PCDHGA4: variants seen among roughly 807,000 people sequenced by gnomAD.
The protein encoded by PCDHGA4 is protocadherin gamma-A4.
A neutral mutation model predicts 54.6 loss-of-function variants in PCDHGA4; 38 were observed. The ratio of observed to expected loss-of-function variants is 0.70; its 90% CI spans 0.54 to 0.91. PCDHGA4 has a LOEUF of 0.91. PCDHGA4 is among the 40% of genes least tolerant of loss of function. The probability of loss-of-function intolerance (pLI) is 0.00; values close to 1 mark genes in which losing one functional copy is unlikely to be tolerated. For missense variants in PCDHGA4, 1,298 were observed against 1,220.9 expected (o/e 1.06, Z -0.94); for synonymous variants, 511 against 512.9 (o/e 1.00, Z 0.05).
At chr5:141,502,767 C>T (rs970206343) in intron 2 of PCDHGA4, among the ~76,000 whole-genome samples, 1 of 151,756 alleles carries the variant, frequency 6.6e-6, no homozygotes, top group East Asian at 1.9e-4. Flanking sequence ...TGCTGGTATT[C>T]TTCTGAAAAT....
chr5:141,489,086 G>A lies in PCDHGA4; in HGVS notation c.2515-5721G>A, dbSNP rs2233599. ...CCCCCCTGCCCACCCCCGCCACTCG[G>A]TGACTAAGAACTGCTGCAAGCAGGC... On this transcript the variant is annotated intron_variant, in intron 1 of 3. Coordinates refer to ENST00000571252, the MANE Select transcript of PCDHGA4 (RefSeq NM_018917.4). The surrounding 1 kb of genome is among the most constrained non-coding windows in gnomAD (Gnocchi z 4.5). 2.2e-3 allele frequency: 754 copies of A among 340,206 alleles called. 5 individuals carry two copies. Among genetic ancestry groups the A allele is most frequent in the African/African-American group, 0.018 (712 of 39,726 alleles). 21.1% of individuals were successfully genotyped at this position (340,206 alleles called of 1,614,324 possible).
chr5:141,494,897 C>T (rs1194879883), intron 2 of PCDHGA4, 32 bp downstream of exon 2: 2 of 1,614,122 alleles, frequency 1.2e-6, no homozygotes, highest in South Asian at 2.2e-5. Flanking sequence ...CCACCCTCTT[C>T]TCTGCGGCAT....
intron 1 of PCDHGA4, chr5:141,413,729 GAGTTC>G: frequency 6.2e-7 from 1 of 1,613,496 alleles, no homozygotes; most frequent in Non-Finnish European, 8.5e-7. Flanking sequence ...TTCTCCCTAA[GAGTTC>G]AGAGCCGTGC....
intron 1 of PCDHGA4, chr5:141,427,812 G>T: frequency 6.6e-7 from 1 of 1,524,404 alleles, no homozygotes; most frequent in Non-Finnish European, 9.0e-7. Flanking sequence ...CGCACAGAGC[G>T]GGGTGGTGGT....
chr5:141,384,903 C>T (rs1780641689), intron 1 of PCDHGA4: 1 of 1,613,992 alleles, frequency 6.2e-7, no homozygotes. Context: ...CTGACAGCAT[C>T]CCCGAAGTCT....
At chr5:141,372,690 A>G (rs1415110803) in intron 1 of PCDHGA4, 1 of 1,613,948 alleles carries the variant, frequency 6.2e-7, no homozygotes, top group East Asian at 2.2e-5. Context: ...CACCGAGTTT[A>G]AATTTCTCAA....
chr5:141,355,989 C>T lies in PCDHGA4; in HGVS notation c.882C>T (p.Thr294=), dbSNP rs539292307. ...ENVPVGTRLL[T]VKATDPDEGA... ...TTCCTGTAGGCACTCGGCTACTCAC[C>T]GTAAAAGCCACTGATCCAGATGAAG... is the stretch of plus-strand genomic sequence containing the variant. The change falls in exon 1 of 4, where the codon ACC becomes ACT. Residue 294 remains threonine, a synonymous_variant. Coordinates refer to ENST00000571252, the MANE Select transcript of PCDHGA4 (RefSeq NM_018917.4). 7 of 1,613,804 alleles carry T rather than the reference C, an allele frequency of 4.3e-6. No homozygotes were observed. The South Asian group carries it at 7.7e-5, about 18-fold the overall frequency.
At chr5:141,365,777 G>T (rs543335678) in intron 1 of PCDHGA4, 1 of 1,613,854 alleles carries the variant, frequency 6.2e-7, no homozygotes, top group South Asian at 1.1e-5. Context: ...CGACAGCGGC[G>T]ACAACGCTCG....
In PCDHGA4 at chr5:141,492,378, C is replaced by T. The variant is rs144479033; in HGVS notation, c.2515-2429C>T. Among the ~76,000 whole-genome samples the T allele has an allele frequency of 1.7e-3, 262 of 152,360 alleles. 2 individuals are homozygous for T. The highest frequency in any genetic ancestry group is 3.0e-3 in the Non-Finnish European group (207 of 68,026). On this transcript the variant is annotated intron_variant, in intron 1 of 3. Coordinates refer to ENST00000571252, the MANE Select transcript of PCDHGA4 (RefSeq NM_018917.4). ...CTCGCTCGCGGCCAGATTCACAGGCCTGTTCCGGTCCACTCGCAGCTCCCC... is the reference window on the plus strand; with the variant it reads ...CTCGCTCGCGGCCAGATTCACAGGCTTGTTCCGGTCCACTCGCAGCTCCCC...
intron 1 of PCDHGA4, chr5:141,384,201 G>A (rs369190060): frequency 3.7e-6 from 6 of 1,613,802 alleles, no homozygotes; most frequent in Admixed American, 1.7e-5. Flanking sequence ...CCTTGTCCAG[G>A]GAAACTCACA....
At chr5:141,440,763 T>A (rs2098198978) in intron 1 of PCDHGA4, 1 of 152,138 alleles carries the variant, frequency 6.6e-6, no homozygotes, top group Admixed American at 6.6e-5. Flanking sequence ...AGAGCTCCCA[T>A]CCCTTAGTGC....
rs1032445242 is a variant in PCDHGA4 at position 141,487,571 on chromosome 5, G to C, written c.2515-7236G>C. The C allele has an allele frequency of 6.2e-7, 1 of 1,614,060 alleles. No homozygotes were observed. The highest frequency in any genetic ancestry group is 8.5e-7 in the Non-Finnish European group (1 of 1,180,046). ...CAGTGCACCTATGGCAGGGGAGCCTGTTCGCCCAAGCTGCCCACCCTCTGA... is the reference window on the plus strand; with the variant it reads ...CAGTGCACCTATGGCAGGGGAGCCTCTTCGCCCAAGCTGCCCACCCTCTGA... On this transcript the variant is annotated intron_variant, in intron 1 of 3. Transcript: ENST00000571252. This position sits in a 1 kb window ranked among gnomAD's most constrained non-coding sequence, Gnocchi z 5.0.
rs1413611606 is a variant in PCDHGA4, at chr5:141,368,566, G to A, written c.2514+10945G>A. Among the ~76,000 whole-genome samples, 6 of 152,186 alleles carry A rather than the reference G, an allele frequency of 3.9e-5. No individual in the cohort carries two copies. The East Asian group carries it at 1.2e-3, about 29-fold the overall frequency. On this transcript the variant is annotated intron_variant, in intron 1 of 3. Coordinates refer to ENST00000571252, the MANE Select transcript of PCDHGA4 (RefSeq NM_018917.4). ...TTTTTTTTAAAAGAAAATGTTATATGCTTCTTAGGGTAAGGTGTTTGGGAA... is the reference window on the plus strand; with the variant it reads ...TTTTTTTTAAAAGAAAATGTTATATACTTCTTAGGGTAAGGTGTTTGGGAA...
At chr5:141,439,009 G>T (rs1474312524) in intron 1 of PCDHGA4, among the ~76,000 whole-genome samples, 1 of 151,594 alleles carries the variant, frequency 6.6e-6, no homozygotes, top group Non-Finnish European at 1.5e-5. Flanking sequence ...TGGTTTGTTT[G>T]TCAAATTTTG....
intron 1 of PCDHGA4, chr5:141,391,145 G>A (rs1212141265): frequency 6.6e-6 from 1 of 152,000 alleles, no homozygotes; most frequent in African/African-American, 2.4e-5. Flanking sequence ...CTACCTCTAG[G>A]AAAGAAATAT....
chr5:141,386,587 G>A (rs1423292010), intron 1 of PCDHGA4, among the ~76,000 whole-genome samples: 2 of 151,614 alleles, frequency 1.3e-5, no homozygotes, highest in African/African-American at 4.9e-5. Context: ...CAATAGTGTG[G>A]GGGATACATT....
Position 141,490,446 on chromosome 5 carries a change from C to T in PCDHGA4, c.2515-4361C>T, listed in dbSNP as rs779502898. 2.5e-6 allele frequency: 4 copies of T among 1,614,196 alleles called. No homozygotes were observed. The highest frequency in any genetic ancestry group is 3.4e-6 in the Non-Finnish European group (4 of 1,180,016). ...CATTTCAGATTAAGCCTTCTGAGAA[C>T]CACTACTCGCTGCTAACCAGCCAGC... On this transcript the variant is annotated intron_variant, in intron 1 of 3. Coordinates refer to ENST00000571252, the MANE Select transcript of PCDHGA4 (RefSeq NM_018917.4). The surrounding 1 kb of genome is among the most constrained non-coding windows in gnomAD (Gnocchi z 5.4).
chr5:141,372,879 G>T (rs1269761634), intron 1 of PCDHGA4: 2 of 1,265,292 alleles, frequency 1.6e-6, no homozygotes, highest in Admixed American at 2.7e-5. Context: ...GAGATAAAAA[G>T]AATACAGATT....
At chr5:141,461,430 A>G (rs1239117668) in intron 1 of PCDHGA4, among the ~76,000 whole-genome samples, 2 of 151,992 alleles carry the variant, frequency 1.3e-5, no homozygotes, top group African/African-American at 4.8e-5. Context: ...GGCCATTTGT[A>G]TACCTTCTTT....
Sources: allele counts gnomAD v4.1 joint callset (sites outside exome capture counted in the v4.1 genomes callset), GRCh38; gene constraint gnomAD v4.1.1; non-coding constraint Gnocchi (gnomAD v3.1); transcripts MANE v1.5; gene names NCBI Gene and HGNC (gene_info 2026-07-23, HGNC 2026-07-21).